The following CDK6 variants were observed in gnomAD, a reference collection of about 807,000 sequenced individuals.
CDK6 encodes the protein cyclin-dependent kinase 6.
Under a neutral mutation model 37.1 loss-of-function variants are expected in CDK6, and 6 were observed. That is an observed-to-expected ratio of 0.16 (90% CI 0.09 to 0.32). CDK6 has a LOEUF of 0.32. CDK6 is among the 10% of genes least tolerant of loss of function. The pLI is 1.00. For synonymous variants in CDK6, 160 were observed against 161.3 expected (o/e 0.99, Z 0.06); for missense variants, 224 against 418.9 (o/e 0.53, Z 4.06).
chr7:92,797,161 T>G (rs1038310770), intron 2 of CDK6, among the ~76,000 whole-genome samples: 1 of 152,162 alleles, frequency 6.6e-6, no homozygotes, highest in Non-Finnish European at 1.5e-5. Flanking sequence ...AGTTTGTGAA[T>G]GAAACTTCCT....
intron 4 of CDK6, among the ~76,000 whole-genome samples, chr7:92,713,843 T>C (rs746528253): frequency 8.5e-5 from 13 of 152,076 alleles, no homozygotes; most frequent in Non-Finnish European, 1.9e-4. Flanking sequence ...CAAAATAAGT[T>C]TAATTCTTGG....
At chr7:92,772,261 C>CA (rs1799735707) in intron 3 of CDK6, among the ~76,000 whole-genome samples, 2 of 151,686 alleles carry the variant, frequency 1.3e-5, no homozygotes, top group African/African-American at 2.4e-5. Context: ...TTTAAGTTAG[C>CA]AAAAAATGTT....
At chr7:92,776,953 T>A (rs902165962) in intron 2 of CDK6, among the ~76,000 whole-genome samples, 1 of 152,204 alleles carries the variant, frequency 6.6e-6, no homozygotes, top group African/African-American at 2.4e-5. Context: ...TTGCTTTTGG[T>A]GTTTTAGTCA....
intron 3 of CDK6, among the ~76,000 whole-genome samples, chr7:92,730,097 A>G (rs11974170): frequency 0.079 from 12,049 of 152,250 alleles, 1,578 homozygotes; most frequent in African/African-American, 0.27. Context: ...AAGACACTAA[A>G]AACACCCAAG....
intron 6 of CDK6, among the ~76,000 whole-genome samples, chr7:92,619,397 A>C (rs574312878): frequency 1.3e-5 from 2 of 152,306 alleles, no homozygotes; most frequent in South Asian, 2.1e-4. Flanking sequence ...TCTTTCTCAC[A>C]CAGACTGTAT....
intron 5 of CDK6, among the ~76,000 whole-genome samples, chr7:92,648,942 A>T (rs1796509442): frequency 1.3e-5 from 2 of 152,194 alleles, no homozygotes; most frequent in South Asian, 4.1e-4. Context: ...TTAATTCATA[A>T]ATGTTAAATA....
intron 5 of CDK6, among the ~76,000 whole-genome samples, chr7:92,664,726 A>T (rs959289418): frequency 1.3e-5 from 2 of 152,006 alleles, no homozygotes; most frequent in African/African-American, 4.8e-5. Flanking sequence ...AACTTCTAAG[A>T]ATTACTATCT....
chr7:92,642,398 G>T (rs982654397), intron 5 of CDK6, among the ~76,000 whole-genome samples: 1 of 152,054 alleles, frequency 6.6e-6, no homozygotes, highest in Admixed American at 6.6e-5. Context: ...TGGCCATGCC[G>T]CCCAGCCCAC....
intron 5 of CDK6, among the ~76,000 whole-genome samples, chr7:92,645,583 G>A (rs547021873): frequency 1.3e-5 from 2 of 152,214 alleles, no homozygotes; most frequent in African/African-American, 4.8e-5. Context: ...TGAAGCCACC[G>A]TCACAAACAG....
chr7:92,815,503 C>T (rs572171062), intron 2 of CDK6, among the ~76,000 whole-genome samples: 37 of 152,302 alleles, frequency 2.4e-4, no homozygotes, highest in African/African-American at 8.2e-4. Context: ...GAAACAACTG[C>T]TTTCAGATAT....
chr7:92,757,725 C>T (rs780330051), intron 3 of CDK6, among the ~76,000 whole-genome samples: 111 of 152,240 alleles, frequency 7.3e-4, no homozygotes, highest in African/African-American at 2.2e-3. Context: ...TTTGAGGAAC[C>T]GCCACACTGA....
intron 6 of CDK6, among the ~76,000 whole-genome samples, chr7:92,619,926 T>TGCA (rs1795771106): frequency 6.6e-6 from 1 of 151,946 alleles, no homozygotes; most frequent in Non-Finnish European, 1.5e-5. Context: ...TGAAAAGAAA[T>TGCA]GCACGTGTAA....
chr7:92,818,760 A>C (rs1343919740), intron 2 of CDK6, among the ~76,000 whole-genome samples: 1 of 152,082 alleles, frequency 6.6e-6, no homozygotes, highest in Non-Finnish European at 1.5e-5. Flanking sequence ...AAAAACGGTC[A>C]ATTTGAACAG....
intron 4 of CDK6, among the ~76,000 whole-genome samples, chr7:92,678,442 G>T (rs1381766950): frequency 6.6e-6 from 1 of 152,022 alleles, no homozygotes; most frequent in African/African-American, 2.4e-5. Flanking sequence ...CGGAAGGCAG[G>T]GGGGAGTTCA....
At chr7:92,778,733 T>C (rs1430612608) in intron 2 of CDK6, among the ~76,000 whole-genome samples, 1 of 151,986 alleles carries the variant, frequency 6.6e-6, no homozygotes, top group Non-Finnish European at 1.5e-5. Flanking sequence ...AAAAATGGCA[T>C]GTCCCTAAAG....
At chr7:92,813,736 C>T (rs1418247782) in intron 2 of CDK6, among the ~76,000 whole-genome samples, 1 of 152,116 alleles carries the variant, frequency 6.6e-6, no homozygotes, top group Non-Finnish European at 1.5e-5. Flanking sequence ...ACTTCCAGTA[C>T]ATAATTAGCT....
At chr7:92,714,305 G>A (rs115682250) in intron 4 of CDK6, among the ~76,000 whole-genome samples, 5,856 of 152,184 alleles carry the variant, frequency 0.038, 248 homozygotes, top group South Asian at 0.2. Flanking sequence ...TTAGTGACAC[G>A]GAAGCATAAA....
At chr7:92,818,260 G>A (rs1470561806) in intron 2 of CDK6, among the ~76,000 whole-genome samples, 1 of 151,974 alleles carries the variant, frequency 6.6e-6, no homozygotes, top group Non-Finnish European at 1.5e-5. Context: ...ATAGATCAAT[G>A]CAAAAGAACA....
intron 4 of CDK6, among the ~76,000 whole-genome samples, chr7:92,692,532 C>A (rs918761878): frequency 6.6e-6 from 1 of 152,110 alleles, no homozygotes; most frequent in African/African-American, 2.4e-5. Flanking sequence ...TGCCTGTAAT[C>A]CAGCACTTTG....
Sources: gnomAD v4.1 joint callset for allele counts (sites outside exome capture counted in the v4.1 genomes callset) on GRCh38, gnomAD v4.1.1 for gene constraint, MANE v1.5 for transcripts, NCBI Gene and HGNC (gene_info 2026-07-23, HGNC 2026-07-21) for gene names.